ROBO2: variants seen among roughly 807,000 people sequenced by gnomAD.
ROBO2 encodes roundabout homolog 2.
A neutral mutation model predicts 160.8 loss-of-function variants in ROBO2; 53 were observed. The ratio of observed to expected loss-of-function variants is 0.33; its 90% confidence interval spans 0.26 to 0.41. ROBO2 has a LOEUF of 0.41. Among genes scored for constraint, ROBO2 ranks in the 10% least tolerant of loss-of-function variants. ROBO2 has a pLI of 1.00. For missense variants in ROBO2, 1,577 were observed against 1,722.4 expected (o/e 0.92, Z 1.49); for synonymous variants, 664 against 611.7 (o/e 1.09, Z -1.26).
chr3:77,048,331 C>G (rs2064893594), intron 1 of ROBO2, among the ~76,000 whole-genome samples: 1 of 152,150 alleles, frequency 6.6e-6, no homozygotes, highest in African/African-American at 2.4e-5. Context: ...CTCGCCTACA[C>G]AGCTGTGACA....
chr3:77,533,276 T>C (rs1463891542), intron 6 of ROBO2, among the ~76,000 whole-genome samples: 1 of 152,146 alleles, frequency 6.6e-6, no homozygotes, highest in African/African-American at 2.4e-5. Context: ...TCCTTTATAC[T>C]CCCTGCTTCA....
intron 2 of ROBO2, among the ~76,000 whole-genome samples, chr3:76,693,273 T>C (rs1466398514): frequency 9.4e-6 from 1 of 106,600 alleles, no homozygotes; most frequent in Non-Finnish European, 1.8e-5. Context: ...TGTCTCTCTC[T>C]CTATATATAG....
At chr3:76,442,444 CTGTTATTTTAA>C (rs1167087365) in intron 2 of ROBO2, among the ~76,000 whole-genome samples, 18 of 152,248 alleles carry the variant, frequency 1.2e-4, no homozygotes, top group African/African-American at 4.3e-4. Flanking sequence ...TTATTCTTTT[CTGTTATTTTAA>C]TGGAGATGGC....
chr3:76,712,278 C>G (rs936518988), intron 2 of ROBO2, among the ~76,000 whole-genome samples: 2 of 149,966 alleles, frequency 1.3e-5, no homozygotes, highest in Admixed American at 6.8e-5. Flanking sequence ...TCTGTGTGCT[C>G]TTTTTACCAG....
intron 2 of ROBO2, among the ~76,000 whole-genome samples, chr3:76,524,044 T>C (rs1201976636): frequency 6.6e-6 from 1 of 151,566 alleles, no homozygotes; most frequent in Non-Finnish European, 1.5e-5. Context: ...CTCAGAAAAA[T>C]CTGAAGAAAA....
chr3:76,301,693 C>A (rs763676834), intron 2 of ROBO2, among the ~76,000 whole-genome samples: 1 of 152,062 alleles, frequency 6.6e-6, no homozygotes, highest in Non-Finnish European at 1.5e-5. Context: ...TCAGAGACTG[C>A]TAGTTTCCCC....
chr3:76,648,873 A>G (rs13076172), intron 2 of ROBO2, among the ~76,000 whole-genome samples: 2 of 151,860 alleles, frequency 1.3e-5, no homozygotes, highest in Non-Finnish European at 2.9e-5. Flanking sequence ...AATGTTATGA[A>G]ATTTAAAATT....
chr3:77,438,231 T>G (rs1355419407), intron 2 of ROBO2, among the ~76,000 whole-genome samples: 1 of 150,478 alleles, frequency 6.6e-6, no homozygotes, highest in East Asian at 1.9e-4. Flanking sequence ...ATAGATTGAT[T>G]GATAGATTGA....
chr3:76,108,914 G>C (rs1271348861), intron 2 of ROBO2, among the ~76,000 whole-genome samples: 1 of 150,818 alleles, frequency 6.6e-6, no homozygotes, highest in Non-Finnish European at 1.5e-5. Flanking sequence ...AATTTTATTA[G>C]ATTACTATTA....
chr3:77,023,939 C>T (rs191317265), intron 2 of ROBO2, among the ~76,000 whole-genome samples: 73 of 152,252 alleles, frequency 4.8e-4, no homozygotes, highest in African/African-American at 1.6e-3. Context: ...AGAACATATA[C>T]AGTATGCCTT....
chr3:76,033,101 CA>C (rs4054054), intron 2 of ROBO2, among the ~76,000 whole-genome samples: 49,051 of 150,780 alleles, frequency 0.33, 8,590 homozygotes, highest in South Asian at 0.6. Flanking sequence ...GATATAACAG[CA>C]AAAAAAAAAA....
intron 2 of ROBO2, among the ~76,000 whole-genome samples, chr3:76,693,071 A>G (rs952802586): frequency 4.7e-5 from 7 of 149,682 alleles, no homozygotes; most frequent in African/African-American, 1.7e-4. Context: ...GTGTATCTAT[A>G]TATAGTGTAT....
chr3:77,311,684 T>C (rs550194026), intron 2 of ROBO2, among the ~76,000 whole-genome samples: 1 of 152,354 alleles, frequency 6.6e-6, no homozygotes, highest in African/African-American at 2.4e-5. Flanking sequence ...GTTCTTGTTG[T>C]ATGTTAGTAG....
At chr3:76,809,732 T>A (rs2108970124) in intron 2 of ROBO2, among the ~76,000 whole-genome samples, 1 of 152,224 alleles carries the variant, frequency 6.6e-6, no homozygotes, top group African/African-American at 2.4e-5. Flanking sequence ...ATATTTCTGA[T>A]TTTAAAAAAA....
chr3:76,735,947 ATAACT>A (rs1200673252), intron 2 of ROBO2, among the ~76,000 whole-genome samples: 2 of 151,952 alleles, frequency 1.3e-5, no homozygotes, highest in African/African-American at 4.8e-5. Flanking sequence ...ATAAATAAAA[ATAACT>A]TTATTCTAAA....
chr3:77,494,408 C>A (rs1420127021), intron 5 of ROBO2, among the ~76,000 whole-genome samples: 2 of 151,986 alleles, frequency 1.3e-5, no homozygotes, highest in African/African-American at 2.4e-5. Context: ...GAAACCCTGT[C>A]TCTACTAAAA....
intron 2 of ROBO2, among the ~76,000 whole-genome samples, chr3:75,987,291 CT>C (rs1257142255): frequency 1.3e-5 from 2 of 151,802 alleles, no homozygotes; most frequent in African/African-American, 4.8e-5. Flanking sequence ...GTATTTCATT[CT>C]TTTTGATGCT....
intron 2 of ROBO2, among the ~76,000 whole-genome samples, chr3:76,941,386 T>TTA (rs1167347847): frequency 2.0e-5 from 3 of 152,134 alleles, no homozygotes; most frequent in Non-Finnish European, 4.4e-5. Context: ...TATTAAATGT[T>TTA]TAGAGTATAC....
At chr3:76,916,344 A>G (rs953093363) in intron 2 of ROBO2, among the ~76,000 whole-genome samples, 1 of 151,936 alleles carries the variant, frequency 6.6e-6, no homozygotes, top group South Asian at 2.1e-4. Flanking sequence ...TTATGGACAG[A>G]TATGTACCTT....
Sources: gnomAD v4.1 joint callset for allele counts (sites outside exome capture counted in the v4.1 genomes callset) on GRCh38, gnomAD v4.1.1 for gene constraint, MANE v1.5 for transcripts, NCBI Gene and HGNC (gene_info 2026-07-23, HGNC 2026-07-21) for gene names.